The following SENP1 variants were observed in gnomAD, a reference collection of about 807,000 sequenced individuals.
The protein encoded by SENP1 is sentrin-specific protease 1.
A neutral mutation model predicts 93.0 loss-of-function variants in SENP1; 21 were observed. That is an observed-to-expected ratio of 0.23 (90% CI 0.16 to 0.33). The LOEUF (loss-of-function observed/expected upper bound fraction) is 0.33, where lower values mean the gene tolerates loss of function less well. Among genes scored for constraint, SENP1 ranks in the 10% least tolerant of loss-of-function variants. SENP1 has a pLI of 1.00. For synonymous variants in SENP1, 256 were observed against 259.6 expected (o/e 0.99, Z 0.13); for missense variants, 591 against 758.7 (o/e 0.78, Z 2.60).
chr12:48,078,603 C>T (rs1220670002), intron 6 of SENP1, among the ~76,000 whole-genome samples: 2 of 151,650 alleles, frequency 1.3e-5, no homozygotes, highest in African/African-American at 4.8e-5. Context: ...TCACTGCAAC[C>T]TCCGCCTCCC....
intron 5 of SENP1, chr12:48,085,407 G>T: frequency 1.7e-6 from 2 of 1,180,760 alleles, no homozygotes; most frequent in East Asian, 2.4e-5. Context: ...GTTCACTGCC[G>T]AAGACCTGTG....
At chr12:48,076,252 C>T (rs1357539401) in intron 6 of SENP1, among the ~76,000 whole-genome samples, 1 of 152,212 alleles carries the variant, frequency 6.6e-6, no homozygotes, top group Non-Finnish European at 1.5e-5. Context: ...TGTGATATTT[C>T]GATATGTGCT....
At chr12:48,067,663 A>C (rs1252866960) in intron 9 of SENP1, among the ~76,000 whole-genome samples, 1 of 152,216 alleles carries the variant, frequency 6.6e-6, no homozygotes, top group Non-Finnish European at 1.5e-5. Context: ...ACAGAGCATC[A>C]AATTGGGAGT....
At chr12:48,052,434 G>A (rs528996454) in intron 13 of SENP1, among the ~76,000 whole-genome samples, 2 of 152,214 alleles carry the variant, frequency 1.3e-5, no homozygotes, top group South Asian at 4.1e-4. Context: ...GACAACTTTT[G>A]GGGGGACAAA....
Position 48,046,388 on chromosome 12 carries a change from T to C in SENP1, c.1840A>G (p.Ile614Val), listed in dbSNP as rs1941366727. ...GMFACKYADC[I>V]TKDRPINFTQ... ...AAGTTGATTGGTCTGTCTTTGGTAATACAGTCAGCATATTTGCAGGCAAAC... is the reference window on the plus strand; with the variant it reads ...AAGTTGATTGGTCTGTCTTTGGTAACACAGTCAGCATATTTGCAGGCAAAC... The change falls in exon 17 of 18, where the codon ATT (isoleucine) becomes GTT (valine). Residue 614 changes from isoleucine to valine, a missense_variant. By Grantham distance (29) the Ile-to-Val change is conservative. Around this residue, in one of 4 missense-constraint regions of SENP1, gnomAD observed 132 missense variants for 230.1 expected, o/e 0.57. Coordinates refer to ENST00000549518, the MANE Select transcript of SENP1 (RefSeq NM_001267594.2). 4 of 1,613,338 alleles carry C rather than the reference T, an allele frequency of 2.5e-6. No homozygotes were observed. The highest frequency in any genetic ancestry group is 3.4e-6 in the Non-Finnish European group (4 of 1,179,356).
intron 13 of SENP1, among the ~76,000 whole-genome samples, chr12:48,054,526 A>C (rs2136826213): frequency 6.6e-6 from 1 of 152,300 alleles, no homozygotes. Flanking sequence ...GCAGTGGCTC[A>C]CATCTGTAAT....
chr12:48,065,949 T>G (rs553994153), intron 10 of SENP1, among the ~76,000 whole-genome samples: 3 of 152,166 alleles, frequency 2.0e-5, no homozygotes, highest in Non-Finnish European at 4.4e-5. Context: ...GCGACCCCCC[T>G]ACCTTGGCCT....
chr12:48,049,245 A>C, intron 13 of SENP1, 113 bp from the exon 14 acceptor site: 1 of 755,362 alleles, frequency 1.3e-6, no homozygotes, highest in Non-Finnish European at 2.2e-6. Context: ...AACTGAATTA[A>C]GTCTTCAACA....
Position 48,074,343 on chromosome 12 carries a change from A to G in SENP1, c.921T>C (p.Ala307=). Residue 307 remains alanine, a synonymous_variant, in exon 8 of 18, where the codon GCT becomes GCC. Transcript: ENST00000549518. ...GTTTACCTTCAGATTGTGTATTTGA[A>G]GCTGCTAAGTTATCTGGCTGATGTG... is the stretch of plus-strand genomic sequence containing the variant. ...SVPHQPDNLA[A]SNTQSEGSDS... 1 of 1,612,374 alleles carries G rather than the reference A, an allele frequency of 6.2e-7. No homozygotes were observed. The highest frequency in any genetic ancestry group is 8.5e-7 in the Non-Finnish European group (1 of 1,178,632).
intron 6 of SENP1, among the ~76,000 whole-genome samples, chr12:48,081,073 A>G (rs962496589): frequency 6.6e-6 from 1 of 152,134 alleles, no homozygotes. Flanking sequence ...ACTTACAATG[A>G]ACACAGAATT....
At position 48,044,816 on chromosome 12, in the gene SENP1, A is replaced by G. The variant is rs1406994596; in HGVS notation, c.*506T>C. On this transcript the variant is annotated 3_prime_UTR_variant, in exon 18 of 18. Transcript: ENST00000549518. Reference sequence around the variant, plus strand: ...GCCCCAAAGTCCAGTTTACAGTCACATTCCTGACCATACATCGTGAAAATT... The same window carrying G: ...GCCCCAAAGTCCAGTTTACAGTCACGTTCCTGACCATACATCGTGAAAATT... 1 of 155,558 alleles carries G rather than the reference A, an allele frequency of 6.4e-6. No homozygotes were observed. Among genetic ancestry groups the G allele is most frequent in the African/African-American group, 2.4e-5 (1 of 41,476 alleles). The allele number at this position is 155,558 out of a possible 1,614,324, so 9.6% of individuals were successfully genotyped here.
At chr12:48,076,124 C>A (rs1944054264) in intron 6 of SENP1, among the ~76,000 whole-genome samples, 2 of 152,250 alleles carry the variant, frequency 1.3e-5, no homozygotes, top group Non-Finnish European at 2.9e-5. Flanking sequence ...GCTATGTTCA[C>A]TAGCACTTAG....
intron 13 of SENP1, among the ~76,000 whole-genome samples, chr12:48,052,095 G>A (rs967509481): frequency 2.0e-5 from 3 of 152,128 alleles, no homozygotes; most frequent in African/African-American, 7.2e-5. Context: ...TTGTTCCTTT[G>A]AGATTTTATT....
At chr12:48,088,141 C>G (rs1373889738) in intron 5 of SENP1, among the ~76,000 whole-genome samples, 1 of 152,006 alleles carries the variant, frequency 6.6e-6, no homozygotes, top group African/African-American at 2.4e-5. Flanking sequence ...CAACCTCTGC[C>G]TCCCAGGTTC....
At chr12:48,046,307 G>T in intron 17 of SENP1, 49 bp downstream of exon 17, 3 of 1,277,562 alleles carry the variant, frequency 2.3e-6, no homozygotes, top group Non-Finnish European at 3.4e-6. Flanking sequence ...CTACAGGGCA[G>T]CTTGGAGACA....
intron 4 of SENP1, among the ~76,000 whole-genome samples, chr12:48,091,699 A>C (rs183509966): frequency 6.6e-6 from 1 of 151,852 alleles, no homozygotes; most frequent in African/African-American, 2.4e-5. Context: ...TTTTTTCTTG[A>C]GACAGGGTCT....
chr12:48,074,900 ATCCT>A, intron 6 of SENP1, 107 bp from the exon 7 acceptor site: 2 of 721,390 alleles, frequency 2.8e-6, no homozygotes, highest in Admixed American at 5.5e-5. Context: ...CTCAGGCAGA[ATCCT>A]TAAGATAATT....
intron 4 of SENP1, among the ~76,000 whole-genome samples, 167 bp downstream of exon 4, chr12:48,096,171 GTATCA>G (rs1449605023): frequency 4.6e-5 from 7 of 152,194 alleles, no homozygotes; most frequent in Non-Finnish European, 1.0e-4. Flanking sequence ...AATCAGTAAA[GTATCA>G]TAGCAACCAC....
At chr12:48,083,056 C>T (rs1402050248) in intron 6 of SENP1, among the ~76,000 whole-genome samples, 1 of 152,194 alleles carries the variant, frequency 6.6e-6, no homozygotes, top group East Asian at 1.9e-4. Flanking sequence ...AGATATGAGC[C>T]ACCAAGCCCG....
Sources: gnomAD v4.1 joint callset for allele counts (sites outside exome capture counted in the v4.1 genomes callset) on GRCh38, gnomAD v4.1.1 for gene constraint, gnomAD v4.1.1 regional missense constraint, MANE v1.5 for transcripts, NCBI Gene and HGNC (gene_info 2026-07-23, HGNC 2026-07-21) for gene names.